Variants in POU2F1 observed in about 807,000 individuals in gnomAD.
The protein encoded by POU2F1 is POU domain, class 2, transcription factor 1.
A neutral mutation model predicts 84.9 loss-of-function variants in POU2F1; 16 were observed. The observed-to-expected ratio is 0.19, with a 90% CI of 0.13 to 0.29. The LOEUF is 0.29. POU2F1 is among the 10% of genes least tolerant of loss of function. The probability of loss-of-function intolerance (pLI) is 1.00; values close to 1 mark genes in which losing one functional copy is unlikely to be tolerated. For missense variants in POU2F1, 738 were observed against 942.6 expected, an observed-to-expected ratio of 0.78 and a Z score of 2.84; for synonymous variants, 368 against 368.3, an observed-to-expected ratio of 1.00 and a Z score of 0.01.
At chr1:167,307,322 T>C (rs1044727660) in intron 1 of POU2F1, among the ~76,000 whole-genome samples, 1 of 152,196 alleles carries the variant, frequency 6.6e-6, no homozygotes, top group Admixed American at 6.5e-5. Flanking sequence ...ATCAGAATAC[T>C]GTTTAAATTG....
chr1:167,372,035 G>A lies in POU2F1; in HGVS notation c.401G>A (p.Gly134Glu). Residue 134 changes from glycine (G) to glutamate (E), a missense_variant and splice_region_variant, in exon 5 of 16, where the codon GGG (glycine) becomes GAG (glutamate). Gly to Glu is a moderately conservative substitution (Grantham distance 98, BLOSUM62 -2). Coordinates refer to ENST00000367866, the MANE Select transcript of POU2F1 (RefSeq NM_002697.4). ...QLMLAGGQIT[G>E]LTLTPAQQQL... The stretch of plus-strand genomic sequence containing the variant: ...ATGCTAGCTGGAGGACAGATAACTG[G>A]GGTAAGTGTTCACTGAGAGAATTAT... The A allele has an allele frequency of 6.2e-7, 1 of 1,609,366 alleles. No homozygotes were observed.
chr1:167,403,504 C>T (rs1001545759), intron 13 of POU2F1, among the ~76,000 whole-genome samples: 2 of 152,186 alleles, frequency 1.3e-5, no homozygotes, highest in African/African-American at 4.8e-5. Flanking sequence ...AAAACCATGC[C>T]CCTTTTTAAT....
chr1:167,342,609 T>C (rs986129236), intron 2 of POU2F1, among the ~76,000 whole-genome samples: 1 of 152,206 alleles, frequency 6.6e-6, no homozygotes, highest in Non-Finnish European at 1.5e-5. Flanking sequence ...GCACTAGTTT[T>C]GGAAATAATT....
At chr1:167,233,590 T>C (rs1465120053) in intron 1 of POU2F1, among the ~76,000 whole-genome samples, 1 of 152,216 alleles carries the variant, frequency 6.6e-6, no homozygotes, top group East Asian at 1.9e-4. Flanking sequence ...TGGGTTTGTG[T>C]AAATATGCTC....
intron 1 of POU2F1, among the ~76,000 whole-genome samples, chr1:167,235,548 G>C (rs1649386404): frequency 6.6e-6 from 1 of 152,176 alleles, no homozygotes; most frequent in Admixed American, 6.5e-5. Flanking sequence ...ACCAGTACGA[G>C]ACTGGTTTGG....
chr1:167,398,435 A>C (rs532850387), intron 11 of POU2F1, among the ~76,000 whole-genome samples: 4 of 152,158 alleles, frequency 2.6e-5, no homozygotes, highest in Non-Finnish European at 5.9e-5. Flanking sequence ...TACTTTAAGC[A>C]GAGGAAATGC....
At chr1:167,408,135 A>G (rs1356086475) in intron 13 of POU2F1, among the ~76,000 whole-genome samples, 2 of 152,168 alleles carry the variant, frequency 1.3e-5, no homozygotes, top group Non-Finnish European at 2.9e-5. Context: ...GAGATATGTG[A>G]CATTAGCATT....
At chr1:167,231,997 C>A (rs1421622184) in intron 1 of POU2F1, among the ~76,000 whole-genome samples, 1 of 152,174 alleles carries the variant, frequency 6.6e-6, no homozygotes, top group Non-Finnish European at 1.5e-5. Context: ...CGTGTGCCCT[C>A]CTCCCCCAAC....
chr1:167,266,095 C>T (rs571511178), intron 1 of POU2F1, among the ~76,000 whole-genome samples: 1 of 152,338 alleles, frequency 6.6e-6, no homozygotes, highest in East Asian at 1.9e-4. Context: ...CACAATAGTT[C>T]TCTTGGGAAG....
chr1:167,333,400 A>G (rs1657211317), intron 2 of POU2F1, among the ~76,000 whole-genome samples: 1 of 152,208 alleles, frequency 6.6e-6, no homozygotes, highest in Admixed American at 6.5e-5. Flanking sequence ...ATGAACAGAA[A>G]GTACTTGCTT....
chr1:167,249,040 A>C (rs1650537111), intron 1 of POU2F1, among the ~76,000 whole-genome samples: 1 of 152,338 alleles, frequency 6.6e-6, no homozygotes, highest in African/African-American at 2.4e-5. Context: ...ATTGCACCGG[A>C]GATAAGTACC....
At chr1:167,397,653 C>A (rs1007816003) in intron 10 of POU2F1, among the ~76,000 whole-genome samples, 2 of 152,188 alleles carry the variant, frequency 1.3e-5, no homozygotes, top group African/African-American at 4.8e-5. Context: ...TCAAGTGATT[C>A]TCCTGCCTCA....
intron 9 of POU2F1, among the ~76,000 whole-genome samples, chr1:167,394,928 A>G (rs968263474): frequency 2.0e-5 from 3 of 152,186 alleles, no homozygotes; most frequent in African/African-American, 7.2e-5. Context: ...ATTTAGGGGT[A>G]GGGGGGAATC....
intron 12 of POU2F1, among the ~76,000 whole-genome samples, chr1:167,400,265 G>T (rs1393559178): frequency 6.6e-6 from 1 of 151,968 alleles, no homozygotes; most frequent in Non-Finnish European, 1.5e-5. Flanking sequence ...CAACGTGCTG[G>T]GATTACAGGT....
At chr1:167,401,583 G>A (rs1284470436) in intron 13 of POU2F1, 27 bp downstream of exon 13, 2 of 1,537,388 alleles carry the variant, frequency 1.3e-6, no homozygotes, top group African/African-American at 1.4e-5. Flanking sequence ...CCATGCACCT[G>A]CTGAGCACAT....
chr1:167,339,470 G>A lies in POU2F1; in HGVS notation c.127+6935G>A, dbSNP rs115086410. On this transcript the variant is annotated intron_variant, in intron 2 of 15. Transcript: ENST00000367866. ...GTTGTTTGAAGTTTTACAAGGTTTG[G>A]TAGGAAAAAACTAAATCAACTATTT... Among the ~76,000 whole-genome samples, 578 of 152,294 alleles carry A rather than the reference G, an allele frequency of 3.8e-3. 3 individuals are homozygous for A. Among genetic ancestry groups the A allele is most frequent in the African/African-American group, 0.013 (555 of 41,564 alleles).
At chr1:167,344,944 C>T (rs1166806682) in intron 2 of POU2F1, among the ~76,000 whole-genome samples, 1 of 152,156 alleles carries the variant, frequency 6.6e-6, no homozygotes, top group Admixed American at 6.5e-5. Flanking sequence ...CCGTCATCCT[C>T]AGCAAACTAA....
At chr1:167,282,544 C>A (rs547373518) in intron 1 of POU2F1, among the ~76,000 whole-genome samples, 1 of 152,254 alleles carries the variant, frequency 6.6e-6, no homozygotes, top group African/African-American at 2.4e-5. Flanking sequence ...AATATGAGGA[C>A]CTTCATAATG....
rs574541449 is a variant in POU2F1 at position 167,413,531 on chromosome 1, G to A, written c.1990+417G>A. On this transcript the variant is annotated intron_variant, in intron 15 of 15. Coordinates refer to ENST00000367866, the MANE Select transcript of POU2F1 (RefSeq NM_002697.4). ...AGTTCCCAGCTGCACTCCTGAGAAA[G>A]CTGTGCATGGGAAAGTCCTGTAATG... Among the ~76,000 whole-genome samples, 286 of 152,270 alleles carry A rather than the reference G, an allele frequency of 1.9e-3. 2 individuals carry two copies. Among genetic ancestry groups the A allele is most frequent in the African/African-American group, 6.5e-3 (272 of 41,552 alleles).
Sources: allele counts gnomAD v4.1 joint callset (sites outside exome capture counted in the v4.1 genomes callset), GRCh38; gene constraint gnomAD v4.1.1; transcripts MANE v1.5; gene names NCBI Gene and HGNC (gene_info 2026-07-23, HGNC 2026-07-21).